Variants in VRK2 observed in about 807,000 individuals in gnomAD.
VRK2 encodes serine/threonine-protein kinase VRK2.
VRK2 carries 60 observed loss-of-function variants against 57.6 expected under a neutral mutation model. The observed-to-expected ratio is 1.04, with a 90% CI of 0.85 to 1.29. VRK2 has a LOEUF of 1.29. Among genes scored for constraint, VRK2 ranks in the 50% most tolerant of loss-of-function variants. VRK2 has a pLI of 0.00. For synonymous variants in VRK2, 231 were observed against 199.2 expected (o/e 1.16, Z -1.35); for missense variants, 705 against 588.1 (o/e 1.20, Z -2.06).
intron 1 of VRK2, among the ~76,000 whole-genome samples, chr2:57,991,976 G>A (rs1243572321): frequency 1.3e-5 from 2 of 149,690 alleles, no homozygotes; most frequent in African/African-American, 4.9e-5. Context: ...AAAAAAATTT[G>A]ATTTGTAAAG....
chr2:58,156,242 TAAG>T (rs1310577480), intron 12 of VRK2, among the ~76,000 whole-genome samples: 24 of 152,166 alleles, frequency 1.6e-4, no homozygotes, highest in Non-Finnish European at 3.4e-4. Flanking sequence ...TTTTTTCTGC[TAAG>T]AAGTTAGCAG....
At chr2:57,914,653 C>G (rs958221311) in intron 1 of VRK2, among the ~76,000 whole-genome samples, 1 of 152,068 alleles carries the variant, frequency 6.6e-6, no homozygotes. Flanking sequence ...TAAGGTCACT[C>G]TAATTACAGC....
chr2:58,137,188 TGATA>T (rs1313861991), intron 10 of VRK2, among the ~76,000 whole-genome samples: 8 of 75,744 alleles, frequency 1.1e-4, no homozygotes, highest in African/African-American at 5.8e-4. Flanking sequence ...ATATCATATA[TGATA>T]CATATATATC....
At chr2:57,916,048 G>T (rs1039778071) in intron 1 of VRK2, among the ~76,000 whole-genome samples, 5 of 152,118 alleles carry the variant, frequency 3.3e-5, no homozygotes, top group Non-Finnish European at 7.3e-5. Flanking sequence ...AAAGGCTGGG[G>T]ACTGCTGCAC....
Position 57,952,583 on chromosome 2 carries a change from A to G in VRK2, c.-439+44744A>G, listed in dbSNP as rs565731615. Among the ~76,000 whole-genome samples the G allele has an allele frequency of 3.9e-4, 59 of 152,304 alleles. 1 individual carries two copies. The highest frequency in any genetic ancestry group is 3.5e-3 in the Admixed American group (54 of 15,294). On this transcript the variant is annotated intron_variant, in intron 1 of 15. Transcript: ENST00000417641. ...ATATATCCTGAACATACATATCCTT[A>G]CCTGGAAGAAACATTGTTCATAAAG...
intron 2 of VRK2, among the ~76,000 whole-genome samples, chr2:58,062,514 C>A (rs1677499838): frequency 6.6e-6 from 1 of 151,960 alleles, no homozygotes; most frequent in Admixed American, 6.6e-5. Flanking sequence ...ACCAGTTAGC[C>A]CAATTGTGAA....
intron 12 of VRK2, chr2:58,159,129 CCACT>C (rs1338021522): frequency 1.6e-5 from 6 of 385,598 alleles, no homozygotes; most frequent in Admixed American, 1.2e-4. Flanking sequence ...TTTAAAAGAA[CCACT>C]CAAATTATAT....
chr2:57,994,758 A>T (rs1189430186), intron 1 of VRK2, among the ~76,000 whole-genome samples: 1 of 152,240 alleles, frequency 6.6e-6, no homozygotes, highest in East Asian at 1.9e-4. Context: ...CCTGAAAAAA[A>T]AACATTTTTT....
At chr2:58,106,293 A>T (rs1674739547) in intron 7 of VRK2, among the ~76,000 whole-genome samples, 1 of 152,022 alleles carries the variant, frequency 6.6e-6, no homozygotes, top group Non-Finnish European at 1.5e-5. Flanking sequence ...TAGCCTATGA[A>T]CTATTGAGGG....
At position 58,129,599 on chromosome 2, in the gene VRK2, T is replaced by C. The variant is rs1026102245; in HGVS notation, c.677-2209T>C. Among the ~76,000 whole-genome samples, 9 of 152,230 alleles carry C rather than the reference T, an allele frequency of 5.9e-5. No homozygotes were observed. The South Asian group carries it at 1.0e-3, about 17-fold the overall frequency. ...GTAAACTATACATGCATACATAGAT[T>C]TTAATATTGTCATCTAGAACATTTG... On this transcript the variant is annotated intron_variant, in intron 8 of 12. Coordinates refer to ENST00000340157, the MANE Select transcript of VRK2 (RefSeq NM_006296.7).
At chr2:58,126,838 T>C (rs992144676) in intron 8 of VRK2, among the ~76,000 whole-genome samples, 3 of 152,112 alleles carry the variant, frequency 2.0e-5, no homozygotes, top group Admixed American at 6.5e-5. Context: ...TTGTGTCAAA[T>C]ATAGTATTTT....
At chr2:57,963,025 C>A (rs574169150) in intron 1 of VRK2, among the ~76,000 whole-genome samples, 7 of 152,160 alleles carry the variant, frequency 4.6e-5, no homozygotes, top group African/African-American at 1.4e-4. Flanking sequence ...AAGTCACTTA[C>A]CCCTGCTAAA....
At chr2:58,009,769 C>A (rs1033968010) in intron 1 of VRK2, among the ~76,000 whole-genome samples, 5 of 151,804 alleles carry the variant, frequency 3.3e-5, no homozygotes, top group Non-Finnish European at 2.9e-5. Context: ...TTTTGTTTCC[C>A]ATTTAGATAT....
chr2:58,034,801 A>AC (rs1674223760), intron 3 of VRK2, among the ~76,000 whole-genome samples: 1 of 151,654 alleles, frequency 6.6e-6, no homozygotes. Flanking sequence ...AAAAAAAAAA[A>AC]CTTCACTTAT....
intron 1 of VRK2, among the ~76,000 whole-genome samples, chr2:57,985,186 T>C (rs1387033537): frequency 1.3e-5 from 2 of 152,094 alleles, no homozygotes; most frequent in African/African-American, 4.8e-5. Flanking sequence ...TATTAATATT[T>C]GGATTTCTGC....
chr2:58,136,763 A>G (rs969060310), intron 10 of VRK2, among the ~76,000 whole-genome samples: 8 of 145,630 alleles, frequency 5.5e-5, no homozygotes, highest in Admixed American at 2.8e-4. Context: ...TCATTAACAT[A>G]TATATATATC....
chr2:58,143,154 T>C (rs1482843764), intron 11 of VRK2, among the ~76,000 whole-genome samples: 1 of 152,010 alleles, frequency 6.6e-6, no homozygotes, highest in African/African-American at 2.4e-5. Context: ...CTTTATTTTC[T>C]GTATATGAGG....
intron 1 of VRK2, among the ~76,000 whole-genome samples, chr2:57,986,270 G>C (rs928722377): frequency 4.6e-5 from 7 of 151,770 alleles, no homozygotes; most frequent in Admixed American, 4.6e-4. Context: ...ATGCTCATAG[G>C]TTGAAAGACA....
intron 2 of VRK2, among the ~76,000 whole-genome samples, chr2:58,072,303 T>C (rs1669461026): frequency 2.6e-5 from 4 of 151,968 alleles, no homozygotes; most frequent in Admixed American, 2.6e-4. Flanking sequence ...ACTTTCAGTA[T>C]GATATTGAAT....
Sources: allele counts gnomAD v4.1 joint callset (sites outside exome capture counted in the v4.1 genomes callset), GRCh38; gene constraint gnomAD v4.1.1; transcripts MANE v1.5; gene names NCBI Gene and HGNC (gene_info 2026-07-23, HGNC 2026-07-21).